MEPE: variants seen among roughly 807,000 people sequenced by gnomAD.
MEPE encodes matrix extracellular phosphoglycoprotein.
Under a neutral mutation model 7.3 loss-of-function variants are expected in MEPE, and 7 were observed. That is an observed-to-expected ratio of 0.95 (90% CI 0.54 to 1.79). The LOEUF (loss-of-function observed/expected upper bound fraction) is 1.79, where lower values mean the gene tolerates loss of function less well. Among genes scored for constraint, MEPE ranks in the 40% most tolerant of loss-of-function variants. MEPE has a pLI of 0.00. For synonymous variants in MEPE, 214 were observed against 213.1 expected (o/e 1.00, Z -0.04); for missense variants, 623 against 628.2 (o/e 0.99, Z 0.09).
chr4:87,840,183 C>G (rs982332985), intron 3 of MEPE: 90 of 1,061,148 alleles, frequency 8.5e-5, no homozygotes, highest in Non-Finnish European at 6.6e-5. Context: ...GAGGAAAAAC[C>G]ATTTTGGCCT....
intron 2 of MEPE, among the ~76,000 whole-genome samples, chr4:87,836,112 A>G (rs1282681157): frequency 6.6e-6 from 1 of 152,084 alleles, no homozygotes; most frequent in Non-Finnish European, 1.5e-5. Context: ...GTAACTGTGA[A>G]TCATTAAATA....
intron 3 of MEPE, among the ~76,000 whole-genome samples, chr4:87,841,967 T>C (rs1723032381): frequency 6.6e-6 from 1 of 152,264 alleles, no homozygotes; most frequent in African/African-American, 2.4e-5. Flanking sequence ...TGCCCAGTTC[T>C]GTATGCTTTA....
Position 87,846,107 on chromosome 4 carries a change from T to A in MEPE, c.1239T>A (p.His413Gln). ...GCAGTACCAGAAAGGGTGTAGATCA[T>A]TCTAATAGGAACCAAGCAACCTTAA... The part of the protein sequence containing the change: ...GKGSTRKGVD[H>Q]SNRNQATLNE... Residue 413 changes from histidine to glutamine, a missense_variant, in exon 4 of 4, where the codon CAT (histidine) becomes CAA (glutamine). Transcript: ENST00000361056. The A allele has an allele frequency of 3.8e-6, 6 of 1,595,954 alleles. No homozygotes were observed. Among genetic ancestry groups the A allele is most frequent in the Non-Finnish European group, 5.1e-6 (6 of 1,171,688 alleles).
At chr4:87,830,407 A>G (rs746795761), upstream of MEPE, among the ~76,000 whole-genome samples, 1 of 152,210 alleles carries the variant, frequency 6.6e-6, no homozygotes, top group Non-Finnish European at 1.5e-5. Context: ...TATAAAAATG[A>G]AAGAGATCAT....
rs1251512627 is a variant in MEPE, at chr4:87,845,455, A to C, written c.587A>C (p.Lys196Thr). 1.2e-6 allele frequency: 2 copies of C among 1,613,924 alleles called. No individual in the cohort carries two copies. Among genetic ancestry groups the C allele is most frequent in the Non-Finnish European group, 1.7e-6 (2 of 1,179,962 alleles). The change falls in exon 4 of 4, where the codon AAG becomes ACG. Residue 196 changes from lysine (K) to threonine (T), a missense_variant. Coordinates refer to ENST00000361056, the MANE Select transcript of MEPE (RefSeq NM_020203.6). ...YAKAHSKDKKKPQRDSQAQKS... is the reference protein window; with the variant it reads ...YAKAHSKDKKTPQRDSQAQKS... ...AAAGCACACTCGAAGGATAAAAAGA[A>C]GCCTCAAAGAGATTCCCAAGCCCAG...
At chr4:87,838,952 C>G (rs1027623504) in intron 3 of MEPE, among the ~76,000 whole-genome samples, 1 of 152,206 alleles carries the variant, frequency 6.6e-6, no homozygotes, top group South Asian at 2.1e-4. Flanking sequence ...TGCCAGGCAA[C>G]CTTCATGGGG....
upstream of MEPE, among the ~76,000 whole-genome samples, chr4:87,829,882 T>TTTTTTTG (rs1553915046): frequency 4.9e-3 from 699 of 142,564 alleles, 10 homozygotes; most frequent in Non-Finnish European, 7.6e-3. Context: ...TTTTTTTTTT[T>TTTTTTTG]GGACTTTGCT....
intron 2 of MEPE, among the ~76,000 whole-genome samples, chr4:87,837,479 G>C (rs1722842872): frequency 6.6e-6 from 1 of 152,186 alleles, no homozygotes; most frequent in African/African-American, 2.4e-5. Flanking sequence ...AGAGCAAGCA[G>C]GGGCATTCCC....
intron 2 of MEPE, among the ~76,000 whole-genome samples, chr4:87,835,796 A>G (rs1722765158): frequency 1.3e-5 from 2 of 152,172 alleles, no homozygotes; most frequent in Admixed American, 1.3e-4. Context: ...CTCACGGTGG[A>G]AAAATGAGTC....
chr4:87,839,429 AC>A (rs2110004334), intron 3 of MEPE, among the ~76,000 whole-genome samples: 1 of 152,122 alleles, frequency 6.6e-6, no homozygotes, highest in African/African-American at 2.4e-5. Flanking sequence ...AAATCGATCC[AC>A]CCTAGGACAG....
intron 3 of MEPE, 28 bp downstream of exon 3, chr4:87,838,713 C>G (rs1722894142): frequency 6.2e-7 from 1 of 1,600,684 alleles, no homozygotes; most frequent in Non-Finnish European, 8.6e-7. Context: ...TTTCAAATAA[C>G]TCTATTTCAG....
At chr4:87,835,922 T>C (rs17013252) in intron 2 of MEPE, among the ~76,000 whole-genome samples, 5,860 of 152,126 alleles carry the variant, frequency 0.039, 343 homozygotes, top group African/African-American at 0.13. Context: ...ATGTCAACAT[T>C]GATTCAGTGA....
chr4:87,823,880 A>C (rs901531580), intron 1 of MEPE, among the ~76,000 whole-genome samples: 2 of 152,254 alleles, frequency 1.3e-5, no homozygotes, highest in African/African-American at 4.8e-5. Flanking sequence ...TTGTTTATCC[A>C]TGTACAGTGT....
rs375754391 is a variant in MEPE, at chr4:87,838,708, A to G, written c.108+23A>G. ...AGGGTAAACAGAATTCATCTTTTCA[A>G]ATAACTCTATTTCAGCTCTATAAAG... On this transcript the variant is annotated intron_variant, in intron 3 of 3. Coordinates refer to ENST00000361056, the MANE Select transcript of MEPE (RefSeq NM_020203.6). 2.4e-5 allele frequency: 38 copies of G among 1,605,920 alleles called. No homozygotes were observed. In the African/African-American group the frequency reaches 4.5e-4, roughly 19 times the overall value.
upstream of MEPE, among the ~76,000 whole-genome samples, chr4:87,828,376 T>C (rs959607209): frequency 1.1e-4 from 16 of 152,208 alleles, no homozygotes; most frequent in Admixed American, 6.5e-4. Flanking sequence ...TTAGAACATA[T>C]GGAAAAGTGT....
chr4:87,822,498 T>C (rs1722361308), intron 1 of MEPE, among the ~76,000 whole-genome samples: 1 of 152,124 alleles, frequency 6.6e-6, no homozygotes, highest in Non-Finnish European at 1.5e-5. Context: ...ATTCAGCCAG[T>C]AGGGGGACCA....
upstream of MEPE, among the ~76,000 whole-genome samples, chr4:87,829,748 C>A (rs727421): frequency 0.24 from 35,768 of 151,936 alleles, 4,529 homozygotes; most frequent in Non-Finnish European, 0.27. Flanking sequence ...ACTTGTCTTC[C>A]ATTTAGAAAG....
Position 87,845,914 on chromosome 4 carries a change from A to C in MEPE, c.1046A>C (p.Glu349Ala). 6.2e-7 allele frequency: 1 copy of C among 1,613,984 alleles called. No individual in the cohort carries two copies. The highest frequency in any genetic ancestry group is 8.5e-7 in the Non-Finnish European group (1 of 1,179,952). ...ATCATGGGTAGTACCAATTTTAAGG[A>C]GCTCCCTGGAAGAGAAGGAAACAGA... The part of the protein sequence containing the change: ...NDIMGSTNFK[E>A]LPGREGNRVD... The change falls in exon 4 of 4, where the codon GAG (glutamate) becomes GCG (alanine). Residue 349 changes from glutamate to alanine, a missense_variant. Transcript: ENST00000361056.
intron 3 of MEPE, among the ~76,000 whole-genome samples, 166 bp downstream of exon 3, chr4:87,838,851 C>T (rs1306638733): frequency 1.3e-5 from 2 of 152,206 alleles, no homozygotes; most frequent in South Asian, 2.1e-4. Context: ...TTGTAACTCA[C>T]ACACCATGTG....
Sources: gnomAD v4.1 joint callset for allele counts (sites outside exome capture counted in the v4.1 genomes callset) on GRCh38, gnomAD v4.1.1 for gene constraint, MANE v1.5 for transcripts, NCBI Gene and HGNC (gene_info 2026-07-23, HGNC 2026-07-21) for gene names.